The following ARHGAP10 variants were observed in gnomAD, a reference collection of about 807,000 sequenced individuals.
The protein encoded by ARHGAP10 is rho GTPase-activating protein 10.
ARHGAP10 carries 87 observed loss-of-function variants against 108.6 expected under a neutral mutation model. The ratio of observed to expected loss-of-function variants is 0.80; its 90% CI spans 0.67 to 0.96. The LOEUF is 0.96. Among genes scored for constraint, ARHGAP10 ranks in the 40% least tolerant of loss-of-function variants. The pLI, the probability that ARHGAP10 is intolerant of heterozygous loss-of-function variation, is 0.00. For synonymous variants in ARHGAP10, 347 were observed against 341.1 expected (o/e 1.02, Z -0.19); for missense variants, 939 against 954.5 (o/e 0.98, Z 0.21).
At chr4:147,853,968 T>A (rs1733984233) in intron 4 of ARHGAP10, among the ~76,000 whole-genome samples, 1 of 152,192 alleles carries the variant, frequency 6.6e-6, no homozygotes, top group Non-Finnish European at 1.5e-5. Flanking sequence ...TTCCTTTTTT[T>A]AAACCCAGTG....
intron 3 of ARHGAP10, among the ~76,000 whole-genome samples, chr4:147,827,277 C>T (rs908860486): frequency 2.6e-5 from 4 of 151,872 alleles, no homozygotes; most frequent in East Asian, 1.9e-4. Flanking sequence ...GCAGAACACT[C>T]GCCTGAAACT....
chr4:148,041,644 A>C (rs896721771), intron 19 of ARHGAP10, among the ~76,000 whole-genome samples: 1 of 152,230 alleles, frequency 6.6e-6, no homozygotes, highest in Non-Finnish European at 1.5e-5. Flanking sequence ...ATTTTCTGCC[A>C]ATCTTTGAAG....
chr4:148,041,937 T>C (rs1157217928), intron 19 of ARHGAP10, among the ~76,000 whole-genome samples: 2 of 152,238 alleles, frequency 1.3e-5, no homozygotes, highest in Non-Finnish European at 1.5e-5. Flanking sequence ...CGCATCTTCT[T>C]CCTTGCTCTC....
intron 5 of ARHGAP10, among the ~76,000 whole-genome samples, chr4:147,859,912 T>TA (rs1330124925): frequency 6.6e-6 from 1 of 152,244 alleles, no homozygotes; most frequent in Non-Finnish European, 1.5e-5. Flanking sequence ...TTTACAAACT[T>TA]ACATGCTCTC....
chr4:147,747,757 G>C (rs560186636), intron 1 of ARHGAP10, among the ~76,000 whole-genome samples: 1 of 152,126 alleles, frequency 6.6e-6, no homozygotes, highest in African/African-American at 2.4e-5. Flanking sequence ...TCAGCTGTCA[G>C]TGAGAGGAAT....
At chr4:147,851,614 T>C (rs1389569783) in intron 4 of ARHGAP10, among the ~76,000 whole-genome samples, 1 of 152,234 alleles carries the variant, frequency 6.6e-6, no homozygotes, top group African/African-American at 2.4e-5. Context: ...TATTACATTG[T>C]ATTTAATAGA....
intron 18 of ARHGAP10, among the ~76,000 whole-genome samples, chr4:147,977,163 G>A (rs1019496919): frequency 7.2e-5 from 11 of 152,172 alleles, no homozygotes; most frequent in African/African-American, 2.4e-4. Context: ...AGTATTTGCA[G>A]AATAAAAAAT....
intron 15 of ARHGAP10, among the ~76,000 whole-genome samples, chr4:147,947,633 C>T (rs952234714): frequency 4.0e-5 from 6 of 151,702 alleles, no homozygotes; most frequent in African/African-American, 1.2e-4. Flanking sequence ...AAACTCCTGA[C>T]CTCAAGTGAT....
intron 16 of ARHGAP10, among the ~76,000 whole-genome samples, chr4:147,958,642 C>T (rs768481693): frequency 1.3e-5 from 2 of 152,150 alleles, no homozygotes; most frequent in Non-Finnish European, 2.9e-5. Flanking sequence ...ATTCATTTCA[C>T]GGTAGATACG....
chr4:148,068,604 T>C (rs1730008596), intron 22 of ARHGAP10, among the ~76,000 whole-genome samples: 1 of 152,208 alleles, frequency 6.6e-6, no homozygotes, highest in Non-Finnish European at 1.5e-5. Context: ...TTATTAGGGA[T>C]ATGTGCTTGT....
chr4:147,983,398 G>T (rs1353539022), intron 18 of ARHGAP10, among the ~76,000 whole-genome samples: 1 of 151,094 alleles, frequency 6.6e-6, no homozygotes, highest in Non-Finnish European at 1.5e-5. Flanking sequence ...TGTTAGCCAG[G>T]ATGGTCTCCA....
intron 7 of ARHGAP10, among the ~76,000 whole-genome samples, chr4:147,870,600 T>C (rs1409477723): frequency 6.6e-6 from 1 of 151,824 alleles, no homozygotes; most frequent in Non-Finnish European, 1.5e-5. Context: ...CTTCATTTTC[T>C]ATAATCTAGA....
chr4:148,047,519 T>C (rs1728942296), intron 20 of ARHGAP10, among the ~76,000 whole-genome samples: 1 of 152,246 alleles, frequency 6.6e-6, no homozygotes, highest in Non-Finnish European at 1.5e-5. Flanking sequence ...GACTTGATGG[T>C]TGACATTTGA....
intron 18 of ARHGAP10, among the ~76,000 whole-genome samples, chr4:147,992,938 C>G (rs994858658): frequency 5.3e-5 from 8 of 152,150 alleles, no homozygotes; most frequent in Non-Finnish European, 1.5e-5. Context: ...AAGTAAGAAA[C>G]TGATTGGAGG....
At chr4:147,832,887 G>T (rs919046954) in intron 3 of ARHGAP10, among the ~76,000 whole-genome samples, 1 of 152,160 alleles carries the variant, frequency 6.6e-6, no homozygotes, top group Non-Finnish European at 1.5e-5. Flanking sequence ...AAACGGACAT[G>T]AGGTTACTTC....
intron 16 of ARHGAP10, among the ~76,000 whole-genome samples, chr4:147,958,139 G>A (rs1738858543): frequency 6.6e-6 from 1 of 152,184 alleles, no homozygotes; most frequent in Non-Finnish European, 1.5e-5. Flanking sequence ...CTAGCTGGAT[G>A]TCTTACTGCG....
At position 147,875,717 on chromosome 4, in the gene ARHGAP10, T is replaced by C. The variant is rs181442120; in HGVS notation, c.832+567T>C. On this transcript the variant is annotated intron_variant, in intron 8 of 22. Transcript: ENST00000336498. ...AAATCATCAGGAAGATTGCAGATGG[T>C]GATAAAAGATATTCCTACGTGGCAT... 4.5e-4 allele frequency among the ~76,000 whole-genome samples: 68 copies of C among 152,346 alleles called. 1 individual carries two copies. Among genetic ancestry groups the C allele is most frequent in the African/African-American group, 1.6e-3 (65 of 41,578 alleles).
intron 1 of ARHGAP10, among the ~76,000 whole-genome samples, chr4:147,810,955 C>A (rs1426102867): frequency 6.6e-6 from 1 of 152,228 alleles, no homozygotes; most frequent in Non-Finnish European, 1.5e-5. Context: ...TCCCTGACCT[C>A]AGAGTTTCCC....
chr4:147,988,856 G>A (rs140058142), intron 18 of ARHGAP10, among the ~76,000 whole-genome samples: 1 of 152,276 alleles, frequency 6.6e-6, no homozygotes, highest in East Asian at 1.9e-4. Flanking sequence ...CCCACCTGGG[G>A]CCAGCCACCA....
Sources: allele counts gnomAD v4.1 joint callset (sites outside exome capture counted in the v4.1 genomes callset), GRCh38; gene constraint gnomAD v4.1.1; transcripts MANE v1.5; gene names NCBI Gene and HGNC (gene_info 2026-07-23, HGNC 2026-07-21).